TRANK1: variants seen among roughly 807,000 people sequenced by gnomAD.
TRANK1 encodes TPR and ankyrin repeat-containing protein 1.
A neutral mutation model predicts 266.0 loss-of-function variants in TRANK1; 198 were observed. The ratio of observed to expected loss-of-function variants is 0.74; its 90% CI spans 0.66 to 0.84. TRANK1 has a LOEUF of 0.84. TRANK1 is among the 40% of genes least tolerant of loss of function. TRANK1 has a pLI of 0.00. For missense variants in TRANK1, 3,326 were observed against 3,634.6 expected, an observed-to-expected ratio of 0.92 and a Z score of 2.18; for synonymous variants, 1,396 against 1,384.1, an observed-to-expected ratio of 1.01 and a Z score of -0.19.
intron 1 of TRANK1, among the ~76,000 whole-genome samples, chr3:36,935,445 C>CTTTTTTTTTTTTTTTTTTTTTTTTTTT (rs11374436): frequency 1.2e-5 from 1 of 83,720 alleles, no homozygotes; most frequent in African/African-American, 4.8e-5. Flanking sequence ...TGCCTGAATT[C>CTTTTTTTTTTTTTTTTTTTTTTTTTTT]TTTTTTTTTT....
At chr3:36,836,657 A>G (rs774403572) in intron 20 of TRANK1, among the ~76,000 whole-genome samples, 6 of 152,200 alleles carry the variant, frequency 3.9e-5, no homozygotes, top group Non-Finnish European at 7.3e-5. Context: ...ATACCCACCA[A>G]TGGTGGGCTT....
chr3:36,836,241 C>A (rs1351398776), intron 20 of TRANK1, among the ~76,000 whole-genome samples: 1 of 152,192 alleles, frequency 6.6e-6, no homozygotes, highest in Non-Finnish European at 1.5e-5. Context: ...CTGCTCCTGG[C>A]AATACATCTT....
At chr3:36,942,529 A>G (rs1346053055) in intron 1 of TRANK1, among the ~76,000 whole-genome samples, 1 of 145,922 alleles carries the variant, frequency 6.9e-6, no homozygotes, top group African/African-American at 2.5e-5. Context: ...TTATGCCCCT[A>G]CCTCCCTAGC....
intron 1 of TRANK1, among the ~76,000 whole-genome samples, chr3:36,936,487 C>T (rs1215717720): frequency 7.8e-6 from 1 of 127,844 alleles, no homozygotes; most frequent in Non-Finnish European, 1.7e-5. Flanking sequence ...TCCTCTGTCT[C>T]AAAAAAAGAA....
intron 1 of TRANK1, among the ~76,000 whole-genome samples, chr3:36,927,300 G>A (rs2080301757): frequency 6.6e-6 from 1 of 152,236 alleles, no homozygotes; most frequent in African/African-American, 2.4e-5. Context: ...GTCAGTGGAG[G>A]AATGTGGAGT....
chr3:36,936,571 TA>T (rs927300246), intron 1 of TRANK1, among the ~76,000 whole-genome samples: 9 of 152,004 alleles, frequency 5.9e-5, no homozygotes, highest in African/African-American at 1.9e-4. Context: ...AGAACTTTTT[TA>T]AAAAGTACCA....
chr3:36,905,042 C>A (rs1484264597), intron 2 of TRANK1, among the ~76,000 whole-genome samples: 5 of 151,702 alleles, frequency 3.3e-5, no homozygotes, highest in Admixed American at 6.6e-5. Context: ...GTAATCCCAG[C>A]ACTTTAGGAG....
chr3:36,879,831 T>C (rs1274441579), intron 8 of TRANK1, among the ~76,000 whole-genome samples: 1 of 109,048 alleles, frequency 9.2e-6, no homozygotes, highest in Non-Finnish European at 1.7e-5. Context: ...CAAATATATG[T>C]AAATATACAA....
At position 36,833,792 on chromosome 3, in the gene TRANK1, G is replaced by A; in HGVS notation, c.5791C>T (p.Leu1931Phe). ...TGGTCTTCTATGTCTAGCTTTGAGA[G>A]GACAGCCATCATTTCCTTCATCTTA... ...ANKMKEMMAV[L>F]SKLDIEDQLV... The change falls in exon 22 of 24, where the codon CTC becomes TTC. Residue 1931 changes from leucine to phenylalanine, a missense_variant. By Grantham distance (22) the Leu-to-Phe change is conservative (BLOSUM62 0). Transcript: ENST00000645898. 6.2e-7 allele frequency: 1 copy of A among 1,613,984 alleles called. No homozygotes were observed. The highest frequency in any genetic ancestry group is 8.5e-7 in the Non-Finnish European group (1 of 1,179,888).
chr3:36,844,842 G>A (rs1321723008), intron 17 of TRANK1, among the ~76,000 whole-genome samples: 1 of 152,056 alleles, frequency 6.6e-6, no homozygotes, highest in African/African-American at 2.4e-5. Context: ...GGAATGCTCA[G>A]GACAAACCTC....
At position 36,830,850 on chromosome 3, in the gene TRANK1, C is replaced by T. The variant is rs532928893; in HGVS notation, c.8710+23G>A. On this transcript the variant is annotated intron_variant, in intron 22 of 23. Coordinates refer to ENST00000645898, the MANE Select transcript of TRANK1 (RefSeq NM_001329998.2). Reference sequence around the variant, plus strand: ...GAGCCCAGGTCTCACTCTGCCTGGGCCCCCATCTCTGCAGACCCTTACCGC... The same window carrying T: ...GAGCCCAGGTCTCACTCTGCCTGGGTCCCCATCTCTGCAGACCCTTACCGC... 2.1e-5 allele frequency: 33 copies of T among 1,561,562 alleles called. 1 individual carries two copies. The African/African-American group carries it at 2.6e-4, about 12-fold the overall frequency.
rs138368106 is a variant in TRANK1, at chr3:36,881,535, C to G, written c.908-7239G>C. On this transcript the variant is annotated intron_variant, in intron 8 of 23. Coordinates refer to ENST00000645898, the MANE Select transcript of TRANK1 (RefSeq NM_001329998.2). ...TGCTGAGGCAGGAGAATCGCTTGAA[C>G]CCAGGAGGCAGAGGCTACAGTAAGC... 3.1e-3 allele frequency among the ~76,000 whole-genome samples: 476 copies of G among 152,222 alleles called. 4 individuals carry two copies. Among genetic ancestry groups the G allele is most frequent in the East Asian group, 0.024 (123 of 5,178 alleles).
intron 18 of TRANK1, among the ~76,000 whole-genome samples, chr3:36,842,156 G>A (rs1188444315): frequency 2.0e-5 from 3 of 152,166 alleles, no homozygotes; most frequent in Non-Finnish European, 4.4e-5. Flanking sequence ...ACTGGAAATT[G>A]GTCAGTGCAG....
At chr3:36,918,429 TAAGTA>T (rs1349482378) in intron 1 of TRANK1, among the ~76,000 whole-genome samples, 13 of 148,512 alleles carry the variant, frequency 8.8e-5, no homozygotes, top group African/African-American at 3.3e-4. Context: ...AAATTTGTTT[TAAGTA>T]AAGAGAAAAT....
chr3:36,897,583 G>A (rs1397982877), intron 4 of TRANK1, among the ~76,000 whole-genome samples: 5 of 152,166 alleles, frequency 3.3e-5, no homozygotes, highest in Non-Finnish European at 7.3e-5. Flanking sequence ...AACTGCAATG[G>A]GAACAGTTTG....
rs1483915390 is a variant in TRANK1, at chr3:36,827,234, G to A, written c.*1041C>T. ...GGGTAGGCAATGGCCTCCTGCAAACGGGCCCAGATCCGCCCTCTTATAAGG... is the reference window on the plus strand; with the variant it reads ...GGGTAGGCAATGGCCTCCTGCAAACAGGCCCAGATCCGCCCTCTTATAAGG... On this transcript the variant is annotated 3_prime_UTR_variant, in exon 24 of 24. Coordinates refer to ENST00000645898, the MANE Select transcript of TRANK1 (RefSeq NM_001329998.2). 2 of 152,240 alleles carry A rather than the reference G, an allele frequency of 1.3e-5. No homozygotes were observed. Among genetic ancestry groups the A allele is most frequent in the South Asian group, 2.1e-4 (1 of 4,828 alleles). The allele number at this position is 152,240 out of a possible 1,614,324, so 9.4% of individuals were successfully genotyped here. A position where few individuals can be genotyped will look rare whatever the true frequency, so the allele number is the denominator to read the frequency against.
At chr3:36,935,221 C>G (rs945196622) in intron 1 of TRANK1, among the ~76,000 whole-genome samples, 1 of 152,148 alleles carries the variant, frequency 6.6e-6, no homozygotes, top group African/African-American at 2.4e-5. Flanking sequence ...GCATGCCCAC[C>G]CCGGGAGGGT....
Position 36,836,877 on chromosome 3 carries a change from C to A in TRANK1, c.5517+1495G>T, listed in dbSNP as rs140158377. On this transcript the variant is annotated intron_variant, in intron 20 of 23. Transcript: ENST00000645898. The stretch of plus-strand genomic sequence containing the variant: ...GGCCTTTCTGCTTCAGCTCTTGCTG[C>A]CCTATAGACCTCTTCACAGAGCATC... Among the ~76,000 whole-genome samples, 3 of 152,334 alleles carry A rather than the reference C, an allele frequency of 2.0e-5. No homozygotes were observed. The East Asian group carries it at 5.8e-4, about 29-fold the overall frequency.
rs377589932 is a variant in TRANK1 at position 36,928,453 on chromosome 3, C to T, written c.23+16334G>A. On this transcript the variant is annotated intron_variant, in intron 1 of 23. Coordinates refer to ENST00000645898, the MANE Select transcript of TRANK1 (RefSeq NM_001329998.2). ...ACTCTTGTCCCTTCACCAACCAGTA[C>T]TTCAAAAGATGCTTTTCATTAAATT... Among the ~76,000 whole-genome samples the T allele has an allele frequency of 7.9e-5, 12 of 152,306 alleles. 1 individual carries two copies. The East Asian group carries it at 1.2e-3, about 15-fold the overall frequency.
Sources: allele counts gnomAD v4.1 joint callset (sites outside exome capture counted in the v4.1 genomes callset), GRCh38; gene constraint gnomAD v4.1.1; transcripts MANE v1.5; gene names NCBI Gene and HGNC (gene_info 2026-07-23, HGNC 2026-07-21).